The following ARNT2 variants were observed in gnomAD, a reference collection of about 807,000 sequenced individuals.
ARNT2 encodes the protein aryl hydrocarbon receptor nuclear translocator 2.
Under a neutral mutation model 91.7 loss-of-function variants are expected in ARNT2, and 36 were observed. The ratio of observed to expected loss-of-function variants is 0.39; its 90% confidence interval spans 0.30 to 0.52. The LOEUF (loss-of-function observed/expected upper bound fraction) is 0.52, where lower values mean the gene tolerates loss of function less well. Among genes scored for constraint, ARNT2 ranks in the 20% least tolerant of loss-of-function variants. The pLI, the probability that ARNT2 is intolerant of heterozygous loss-of-function variation, is 0.72. For missense variants in ARNT2, 775 were observed against 939.3 expected, an observed-to-expected ratio of 0.83 and a Z score of 2.29; for synonymous variants, 365 against 347.1, an observed-to-expected ratio of 1.05 and a Z score of -0.57.
At chr15:80,468,372 G>A (rs116197657) in intron 3 of ARNT2, among the ~76,000 whole-genome samples, 347 of 151,548 alleles carry the variant, frequency 2.3e-3, no homozygotes, top group African/African-American at 8.1e-3. Flanking sequence ...TGCCATGCAC[G>A]ACAGCTTTCC....
intron 2 of ARNT2, among the ~76,000 whole-genome samples, chr15:80,454,569 A>T (rs551535998): frequency 1.3e-5 from 2 of 152,164 alleles, no homozygotes; most frequent in African/African-American, 4.8e-5. Flanking sequence ...TCTCTTGGTG[A>T]ACTTTTATGT....
intron 8 of ARNT2, among the ~76,000 whole-genome samples, chr15:80,517,594 C>T (rs1409425546): frequency 2.0e-5 from 3 of 147,488 alleles, no homozygotes; most frequent in African/African-American, 7.5e-5. Context: ...ACAGATATAT[C>T]TTTTGAAATT....
chr15:80,550,365 T>C (rs1047016935), intron 8 of ARNT2, among the ~76,000 whole-genome samples: 3 of 152,186 alleles, frequency 2.0e-5, no homozygotes, highest in African/African-American at 7.2e-5. Flanking sequence ...TGTACTTGTG[T>C]GACTCTATCA....
Position 80,592,958 on chromosome 15 carries a change from C to T in ARNT2, c.2056-642C>T, listed in dbSNP as rs369990841. Among the ~76,000 whole-genome samples, 16 of 152,340 alleles carry T rather than the reference C, an allele frequency of 1.1e-4. 2 individuals are homozygous for T. Among genetic ancestry groups the T allele is most frequent in the Admixed American group, 3.3e-4 (5 of 15,308 alleles). ...TTTCTAGGAGGTAGGCAAAGTGTGC[C>T]TTGTTTCCCAAACTTATTTGTCCAC... On this transcript the variant is annotated intron_variant, in intron 18 of 18. Coordinates refer to ENST00000303329, the MANE Select transcript of ARNT2 (RefSeq NM_014862.4).
At chr15:80,470,998 T>C (rs1347807447) in intron 4 of ARNT2, among the ~76,000 whole-genome samples, 1 of 152,162 alleles carries the variant, frequency 6.6e-6, no homozygotes, top group East Asian at 1.9e-4. Context: ...AAAACGGAAA[T>C]ACCATTTGAC....
At chr15:80,509,077 A>G (rs747516953) in intron 6 of ARNT2, among the ~76,000 whole-genome samples, 1 of 152,148 alleles carries the variant, frequency 6.6e-6, no homozygotes, top group Admixed American at 6.6e-5. Flanking sequence ...TTATTTAGTT[A>G]TTCAACACAT....
rs140703832 is a variant in ARNT2, at chr15:80,591,683, C to G, written c.2034C>G (p.Pro678=). ...QSGEQHSHQQ[P]GQTEVFQDML... is the part of the protein sequence containing the mutation. ...GTGAGCAGCACTCCCACCAGCAGCC[C>G]GGTCAGACTGAAGTGTTCCAGGTAA... The change falls in exon 18 of 19, where the codon CCC becomes CCG. Residue 678 remains proline, a synonymous_variant. Coordinates refer to ENST00000303329, the MANE Select transcript of ARNT2 (RefSeq NM_014862.4). The surrounding 1 kb of genome is among the most constrained non-coding windows in gnomAD (Gnocchi z 5.1). 8 of 1,614,046 alleles carry G rather than the reference C, an allele frequency of 5.0e-6. No individual in the cohort carries two copies. In the South Asian group the frequency reaches 5.5e-5, roughly 11 times the overall value.
At chr15:80,589,671 T>C (rs1298529110) in intron 17 of ARNT2, among the ~76,000 whole-genome samples, 1 of 152,174 alleles carries the variant, frequency 6.6e-6, no homozygotes, top group African/African-American at 2.4e-5. Flanking sequence ...CAGGTGGGAA[T>C]TTCCTCGTAG....
At chr15:80,461,403 G>A (rs909454915) in intron 3 of ARNT2, among the ~76,000 whole-genome samples, 31 of 152,364 alleles carry the variant, frequency 2.0e-4, no homozygotes, top group Admixed American at 5.9e-4. Flanking sequence ...AAGGGAGGCC[G>A]GCAGGCCGGA....
intron 1 of ARNT2, among the ~76,000 whole-genome samples, chr15:80,414,954 T>C (rs1220645712): frequency 6.6e-6 from 1 of 152,188 alleles, no homozygotes; most frequent in Non-Finnish European, 1.5e-5. Context: ...CATCAGTCTC[T>C]AACACAGGCA....
intron 1 of ARNT2, among the ~76,000 whole-genome samples, chr15:80,431,243 G>C (rs1366715746): frequency 1.3e-5 from 2 of 152,148 alleles, no homozygotes; most frequent in African/African-American, 4.8e-5. Flanking sequence ...CTCTCTGCAT[G>C]TTCTTCTCGA....
chr15:80,588,712 C>T (rs1893220577), intron 17 of ARNT2, among the ~76,000 whole-genome samples: 2 of 152,162 alleles, frequency 1.3e-5, no homozygotes, highest in African/African-American at 4.8e-5. Context: ...AACCTTACCT[C>T]CAAGCCCTAT....
intron 18 of ARNT2, 67 bp from the exon 19 acceptor site, chr15:80,593,533 G>A: frequency 1.5e-6 from 2 of 1,326,618 alleles, no homozygotes; most frequent in Non-Finnish European, 2.1e-6. Flanking sequence ...CTGGGCTCCT[G>A]GGACATGCCC....
intron 17 of ARNT2, among the ~76,000 whole-genome samples, chr15:80,590,130 A>G (rs1190772384): frequency 1.3e-5 from 2 of 152,138 alleles, no homozygotes; most frequent in Non-Finnish European, 2.9e-5. Context: ...CCTCACATTA[A>G]CGCAGTGCCC....
Position 80,404,531 on chromosome 15 carries a change from G to A in ARNT2, c.16G>A (p.Ala6Thr). ...TCCGAGCAAGATGGCAACCCCGGCGGCGGTCAACCCTCCGGGTGAGTAGCG... is the reference window on the plus strand; with the variant it reads ...TCCGAGCAAGATGGCAACCCCGGCGACGGTCAACCCTCCGGGTGAGTAGCG... Reference protein sequence around the residue: MATPAAVNPPEMASDI... With the variant: MATPATVNPPEMASDI... The change falls in exon 1 of 19, where the codon GCG becomes ACG. Residue 6 changes from alanine (A) to threonine (T), a missense_variant. Physicochemically the swap from Ala to Thr is moderately conservative, Grantham distance 58 (BLOSUM62 0). Around this residue, in one of 5 missense-constraint regions of ARNT2, gnomAD observed 79 missense variants for 83.8 expected, o/e 0.94. Coordinates refer to ENST00000303329, the MANE Select transcript of ARNT2 (RefSeq NM_014862.4). This position sits in a 1 kb window ranked among gnomAD's most constrained non-coding sequence, Gnocchi z 5.5. The A allele has an allele frequency of 2.5e-6, 3 of 1,218,338 alleles. No homozygotes were observed. Among genetic ancestry groups the A allele is most frequent in the South Asian group, 3.3e-5 (2 of 60,672 alleles). 75.5% of individuals were successfully genotyped at this position (1,218,338 alleles called of 1,614,324 possible). A position where few individuals can be genotyped will look rare whatever the true frequency, so the allele number is the denominator to read the frequency against.
chr15:80,508,141 TTCTC>T lies in ARNT2; in HGVS notation c.623-7_623-4del. ...AAGGCAGAGGCTTACGTAACTGTCC[TTCTC>T]TCTCTCTTAGGCCGGATCTTGGACC... On this transcript the variant is annotated splice_polypyrimidine_tract_variant and intron_variant, in intron 5 of 18. Coordinates refer to ENST00000303329, the MANE Select transcript of ARNT2 (RefSeq NM_014862.4). 1.2e-6 allele frequency: 2 copies of T among 1,612,500 alleles called. No homozygotes were observed. The highest frequency in any genetic ancestry group is 1.7e-6 in the Non-Finnish European group (2 of 1,178,762).
intron 11 of ARNT2, 87 bp from the exon 12 acceptor site, chr15:80,563,001 C>G: frequency 4.0e-6 from 6 of 1,497,380 alleles, no homozygotes; most frequent in Non-Finnish European, 5.6e-6. Flanking sequence ...TGGCCCCTGC[C>G]GCAACCCCAC....
chr15:80,460,422 A>G (rs1896535705), intron 3 of ARNT2, among the ~76,000 whole-genome samples: 1 of 152,190 alleles, frequency 6.6e-6, no homozygotes, highest in African/African-American at 2.4e-5. Context: ...TGAAGCTGCC[A>G]CTGCTGTGTG....
chr15:80,424,300 A>G (rs890986816), intron 1 of ARNT2, among the ~76,000 whole-genome samples: 5 of 152,244 alleles, frequency 3.3e-5, no homozygotes, highest in African/African-American at 9.6e-5. Context: ...GACAGGCAGT[A>G]CAATAGATGT....
Sources: gnomAD v4.1 joint callset for allele counts (sites outside exome capture counted in the v4.1 genomes callset) on GRCh38, gnomAD v4.1.1 for gene constraint, gnomAD v4.1.1 regional missense constraint, Gnocchi (gnomAD v3.1) non-coding constraint, MANE v1.5 for transcripts, NCBI Gene and HGNC (gene_info 2026-07-23, HGNC 2026-07-21) for gene names.